Variants in COL4A4 observed in about 807,000 individuals in gnomAD.
COL4A4 encodes collagen type IV alpha 4 chain, also known as collagen alpha-4(IV) chain.
COL4A4 carries 105 observed loss-of-function variants against 192.9 expected under a neutral mutation model. The observed-to-expected ratio is 0.54, with a 90% CI of 0.46 to 0.64. The LOEUF (loss-of-function observed/expected upper bound fraction) is 0.64, where lower values mean the gene tolerates loss of function less well. COL4A4 is among the 30% of genes least tolerant of loss of function. The pLI, the probability that COL4A4 is intolerant of heterozygous loss-of-function variation, is 0.00. For synonymous variants in COL4A4, 762 were observed against 769.9 expected, an observed-to-expected ratio of 0.99 and a Z score of 0.17; for missense variants, 1,967 against 2,169.3, an observed-to-expected ratio of 0.91 and a Z score of 1.85.
At chr2:226,987,959 G>A in the COL4A4 span, among the ~76,000 whole-genome samples, 1 of 152,152 alleles carries the variant, frequency 6.6e-6, no homozygotes, top group African/African-American at 2.4e-5. Context: ...CTGGGCAATG[G>A]TTGCTGTTTG....
chr2:227,007,283 AG>A lies in COL4A4; in HGVS notation c.*41del. On this transcript the variant is annotated 3_prime_UTR_variant, in exon 48 of 48. Transcript: ENST00000396625. ...ACAGTCTAGGAAGTCTTAGCCCCCT[AG>A]GAAGTTTCTCTTGGCCACGTGTTGG... 2 of 1,613,694 alleles carry A rather than the reference AG, an allele frequency of 1.2e-6. No individual in the cohort carries two copies. The highest frequency in any genetic ancestry group is 1.7e-6 in the Non-Finnish European group (2 of 1,179,770).
chr2:227,153,187 A>T (rs1318129240), intron 1 of COL4A4, among the ~76,000 whole-genome samples: 2 of 152,192 alleles, frequency 1.3e-5, no homozygotes, highest in Non-Finnish European at 2.9e-5. Context: ...ATTATCTCCC[A>T]CTGGGTCCCT....
At position 227,047,620 on chromosome 2, in the gene COL4A4, G is replaced by A. The variant is rs144596833; in HGVS notation, c.3215-71C>T. ...TTGGTCTCATACAGGTGACAGTAAC[G>A]TTTATGGTATTTGTATAGCTTATCT... On this transcript the variant is annotated intron_variant, in intron 34 of 47. Transcript: ENST00000396625. The A allele has an allele frequency of 3.0e-4, 285 of 953,076 alleles. No homozygotes were observed. The African/African-American group carries it at 3.5e-3, about 12-fold the overall frequency. 59.0% of individuals were successfully genotyped at this position (953,076 alleles called of 1,614,324 possible).
chr2:226,988,236 G>A, the COL4A4 span: 3 of 1,114,792 alleles, frequency 2.7e-6, no homozygotes, highest in African/African-American at 1.6e-5. Flanking sequence ...GAAGCAAGAG[G>A]TTGGGAGTAG....
intron 24 of COL4A4, among the ~76,000 whole-genome samples, chr2:227,078,514 C>T (rs943988729): frequency 1.1e-4 from 17 of 152,136 alleles, no homozygotes; most frequent in African/African-American, 3.9e-4. Context: ...GGATTACAGG[C>T]GTCAGCCACC....
At chr2:227,049,879 T>C (rs1489601488) in intron 34 of COL4A4, among the ~76,000 whole-genome samples, 189 bp downstream of exon 34, 1 of 152,260 alleles carries the variant, frequency 6.6e-6, no homozygotes, top group East Asian at 1.9e-4. Flanking sequence ...TTCTATCTGA[T>C]ACCCTTGGAT....
the COL4A4 span, among the ~76,000 whole-genome samples, chr2:226,982,510 T>C: frequency 6.6e-6 from 1 of 152,242 alleles, no homozygotes; most frequent in South Asian, 2.1e-4. Flanking sequence ...CATCAATAGA[T>C]GTAATACATC....
intron 4 of COL4A4, among the ~76,000 whole-genome samples, chr2:227,139,958 C>T (rs192130540): frequency 1.6e-4 from 25 of 152,286 alleles, no homozygotes; most frequent in African/African-American, 4.8e-4. Flanking sequence ...ATGGGTGAAT[C>T]GCAGCTTCCT....
At chr2:227,121,296 TC>T in intron 4 of COL4A4, 148 bp from the exon 5 acceptor site, 1 of 943,442 alleles carries the variant, frequency 1.1e-6, no homozygotes, top group Non-Finnish European at 1.6e-6. Context: ...AGATGGTGGC[TC>T]ACACCTGTAA....
At chr2:227,012,320 G>T in intron 44 of COL4A4, 23 bp from the exon 45 acceptor site, 1 of 1,580,742 alleles carries the variant, frequency 6.3e-7, no homozygotes, top group South Asian at 1.1e-5. Flanking sequence ...TTATGATGCT[G>T]GTGGTGAAAG....
intron 29 of COL4A4, 73 bp from the exon 30 acceptor site, chr2:227,056,188 A>C (rs903263944): frequency 2.2e-6 from 3 of 1,337,032 alleles, no homozygotes; most frequent in South Asian, 1.2e-5. Context: ...AAAAATATAC[A>C]GTAGCTTAAA....
rs147805978 is a variant in COL4A4, at chr2:227,021,212, C to T, written c.4216+836G>A. ...AGAACACTTTTTAAAAGAATGGTTT[C>T]GCTTAAATACTTGAATAAGGATCCT... is the stretch of plus-strand genomic sequence containing the variant. On this transcript the variant is annotated intron_variant, in intron 44 of 47. Transcript: ENST00000396625. 2.3e-3 allele frequency among the ~76,000 whole-genome samples: 343 copies of T among 152,188 alleles called. 1 individual carries two copies. The highest frequency in any genetic ancestry group is 3.9e-3 in the South Asian group (19 of 4,816).
chr2:227,103,336 C>A, intron 13 of COL4A4, 139 bp from the exon 14 acceptor site: 1 of 695,120 alleles, frequency 1.4e-6, no homozygotes, highest in Non-Finnish European at 2.5e-6. Flanking sequence ...TTCACCTGTT[C>A]TAATTAGCAC....
intron 7 of COL4A4, 78 bp from the exon 8 acceptor site, chr2:227,114,774 T>A (rs2061402186): frequency 6.1e-6 from 7 of 1,146,598 alleles, no homozygotes; most frequent in Non-Finnish European, 9.2e-6. Context: ...ATATAAAATA[T>A]AACTCATCAG....
At chr2:227,077,595 T>C (rs2059098492) in intron 25 of COL4A4, among the ~76,000 whole-genome samples, 2 of 151,996 alleles carry the variant, frequency 1.3e-5, no homozygotes. Flanking sequence ...CAAACCACCA[T>C]GGCACATGTA....
intron 44 of COL4A4, among the ~76,000 whole-genome samples, chr2:227,019,953 C>T (rs568655264): frequency 6.6e-6 from 1 of 152,354 alleles, no homozygotes; most frequent in South Asian, 2.1e-4. Context: ...AGGCGTGAGC[C>T]ACAACACCCA....
intron 30 of COL4A4, 81 bp from the exon 31 acceptor site, chr2:227,054,818 C>T: frequency 1.4e-6 from 2 of 1,424,902 alleles, no homozygotes; most frequent in South Asian, 2.5e-5. Context: ...TGGACAGAGT[C>T]TCACTCTGTC....
chr2:227,085,635 G>A (rs145515850), intron 22 of COL4A4, among the ~76,000 whole-genome samples: 1 of 152,228 alleles, frequency 6.6e-6, no homozygotes, highest in South Asian at 2.1e-4. Flanking sequence ...GTGAGAGAGG[G>A]AGCAAGAGAG....
At chr2:227,121,237 A>T in intron 4 of COL4A4, 89 bp from the exon 5 acceptor site, 1 of 1,431,582 alleles carries the variant, frequency 7.0e-7, no homozygotes, top group Non-Finnish European at 9.6e-7. Context: ...CCTACAGAAG[A>T]CTTGGAAATT....
Sources: allele counts gnomAD v4.1 joint callset (sites outside exome capture counted in the v4.1 genomes callset), GRCh38; gene constraint gnomAD v4.1.1; transcripts MANE v1.5; gene names NCBI Gene and HGNC (gene_info 2026-07-23, HGNC 2026-07-21).